Variants in ARL15 observed in about 807,000 individuals in gnomAD.
ARL15 encodes the protein ADP-ribosylation factor-like protein 15.
A neutral mutation model predicts 25.2 loss-of-function variants in ARL15; 19 were observed. The observed-to-expected ratio is 0.75, with a 90% CI of 0.53 to 1.10. ARL15 has a LOEUF of 1.10. Ranked by LOEUF, ARL15 falls within the 50% of genes least tolerant of loss-of-function variation. ARL15 has a pLI of 0.00. For synonymous variants in ARL15, 94 were observed against 86.8 expected, an observed-to-expected ratio of 1.08 and a Z score of -0.46; for missense variants, 220 against 246.0, an observed-to-expected ratio of 0.89 and a Z score of 0.71.
chr5:53,897,753 T>C (rs984638456), intron 4 of ARL15, among the ~76,000 whole-genome samples: 3 of 152,240 alleles, frequency 2.0e-5, no homozygotes, highest in Non-Finnish European at 4.4e-5. Context: ...TGAGATAAAC[T>C]ATGCTTGATT....
chr5:54,222,983 A>AT (rs35959438), intron 1 of ARL15, among the ~76,000 whole-genome samples: 16,749 of 126,868 alleles, frequency 0.13, 1,172 homozygotes, highest in South Asian at 0.22. Flanking sequence ...CTATGCCTGG[A>AT]TTTTTTTTTT....
chr5:54,187,131 A>T (rs1755263188), intron 1 of ARL15, among the ~76,000 whole-genome samples: 1 of 152,220 alleles, frequency 6.6e-6, no homozygotes, highest in South Asian at 2.1e-4. Flanking sequence ...TTATAAGTTT[A>T]GGAGTTGCCA....
chr5:53,922,485 A>G (rs1468708768), intron 4 of ARL15, among the ~76,000 whole-genome samples: 1 of 151,806 alleles, frequency 6.6e-6, no homozygotes, highest in Non-Finnish European at 1.5e-5. Context: ...TGTTTAGTAC[A>G]AGAGGAACAT....
At chr5:53,952,006 G>A (rs1428455284) in intron 4 of ARL15, among the ~76,000 whole-genome samples, 1 of 151,926 alleles carries the variant, frequency 6.6e-6, no homozygotes, top group Non-Finnish European at 1.5e-5. Flanking sequence ...GGTGGCTCGC[G>A]CCTGTAATCC....
intron 4 of ARL15, among the ~76,000 whole-genome samples, chr5:53,938,476 T>C (rs1294557616): frequency 6.6e-6 from 1 of 152,242 alleles, no homozygotes; most frequent in Admixed American, 6.5e-5. Context: ...GTATTTTGCA[T>C]ACATCAATCT....
At chr5:54,035,207 T>C (rs1750131991) in intron 4 of ARL15, among the ~76,000 whole-genome samples, 1 of 152,198 alleles carries the variant, frequency 6.6e-6, no homozygotes, top group African/African-American at 2.4e-5. Context: ...GATAGCTTTA[T>C]GAAATCAGCT....
At chr5:54,012,476 C>A (rs1749275493) in intron 4 of ARL15, among the ~76,000 whole-genome samples, 1 of 152,134 alleles carries the variant, frequency 6.6e-6, no homozygotes, top group East Asian at 1.9e-4. Flanking sequence ...CTGCATTTAA[C>A]CCAGGCTATG....
At chr5:54,216,351 G>A (rs1278644952) in intron 1 of ARL15, among the ~76,000 whole-genome samples, 1 of 152,112 alleles carries the variant, frequency 6.6e-6, no homozygotes, top group Non-Finnish European at 1.5e-5. Context: ...CTTACTACAC[G>A]GGGGTGTTAT....
intron 4 of ARL15, among the ~76,000 whole-genome samples, chr5:54,020,220 G>C (rs773232770): frequency 6.6e-6 from 1 of 152,170 alleles, no homozygotes; most frequent in Admixed American, 6.5e-5. Flanking sequence ...CTGGCACTGG[G>C]GGAATGATGT....
At chr5:54,309,189 C>T (rs1758834987) in intron 1 of ARL15, among the ~76,000 whole-genome samples, 1 of 152,164 alleles carries the variant, frequency 6.6e-6, no homozygotes, top group Admixed American at 6.5e-5. Flanking sequence ...AACAAATGAA[C>T]AACAAAACAG....
At chr5:54,156,883 T>C (rs1181486975) in intron 2 of ARL15, among the ~76,000 whole-genome samples, 1 of 152,214 alleles carries the variant, frequency 6.6e-6, no homozygotes, top group African/African-American at 2.4e-5. Context: ...CCTCTCCAGG[T>C]GTCTGGCCTC....
chr5:53,967,667 G>A (rs954962879), intron 4 of ARL15, among the ~76,000 whole-genome samples: 7 of 152,166 alleles, frequency 4.6e-5, no homozygotes, highest in Non-Finnish European at 1.0e-4. Flanking sequence ...ACACAGAGCT[G>A]CCTTCAGGAG....
intron 4 of ARL15, among the ~76,000 whole-genome samples, chr5:54,007,320 G>C (rs891398213): frequency 6.6e-6 from 1 of 152,054 alleles, no homozygotes; most frequent in East Asian, 1.9e-4. Flanking sequence ...GATAGCCAAT[G>C]GTGTTTTGAT....
At chr5:54,307,290 A>G (rs1296977274) in intron 1 of ARL15, among the ~76,000 whole-genome samples, 1 of 152,172 alleles carries the variant, frequency 6.6e-6, no homozygotes, top group Non-Finnish European at 1.5e-5. Flanking sequence ...AAAACACCTA[A>G]TCCAAACAGA....
At chr5:53,997,559 C>A (rs961437524) in intron 4 of ARL15, among the ~76,000 whole-genome samples, 2 of 152,138 alleles carry the variant, frequency 1.3e-5, no homozygotes, top group Non-Finnish European at 2.9e-5. Flanking sequence ...AGCACCATAG[C>A]ATGAGAGAAT....
intron 4 of ARL15, among the ~76,000 whole-genome samples, chr5:54,102,239 T>C (rs760149489): frequency 1.2e-4 from 19 of 152,138 alleles, no homozygotes; most frequent in Non-Finnish European, 2.1e-4. Flanking sequence ...CTCAAACTCC[T>C]GGCTTCATGT....
chr5:54,120,105 T>C (rs1163283913), intron 3 of ARL15, among the ~76,000 whole-genome samples: 1 of 152,254 alleles, frequency 6.6e-6, no homozygotes, highest in African/African-American at 2.4e-5. Context: ...TAATCTTTTA[T>C]AGAATACTTA....
chr5:53,972,835 A>G (rs1747796310), intron 4 of ARL15, among the ~76,000 whole-genome samples: 1 of 152,234 alleles, frequency 6.6e-6, no homozygotes, highest in Admixed American at 6.5e-5. Flanking sequence ...AGGAGTATAT[A>G]GGAATAAAAT....
intron 1 of ARL15, among the ~76,000 whole-genome samples, chr5:54,200,009 T>C (rs1255387754): frequency 1.3e-5 from 2 of 151,034 alleles, no homozygotes; most frequent in South Asian, 2.1e-4. Flanking sequence ...GTGGATGAAA[T>C]TGGAAATCAT....
Sources: gnomAD v4.1 joint callset for allele counts (sites outside exome capture counted in the v4.1 genomes callset) on GRCh38, gnomAD v4.1.1 for gene constraint, MANE v1.5 for transcripts, NCBI Gene and HGNC (gene_info 2026-07-23, HGNC 2026-07-21) for gene names.